The following TCF12 variants were observed in gnomAD, a reference collection of about 807,000 sequenced individuals.
TCF12 encodes the protein DNA-binding protein HTF4.
TCF12 carries 45 observed loss-of-function variants against 86.0 expected under a neutral mutation model. The observed-to-expected ratio is 0.52, with a 90% confidence interval of 0.41 to 0.67. TCF12 has a LOEUF of 0.67. Among genes scored for constraint, TCF12 ranks in the 30% least tolerant of loss-of-function variants. TCF12 has a pLI of 0.00. For synonymous variants in TCF12, 330 were observed against 299.6 expected, an observed-to-expected ratio of 1.10 and a Z score of -1.05; for missense variants, 881 against 859.9, an observed-to-expected ratio of 1.02 and a Z score of -0.31.
At chr15:57,156,355 A>T (rs1427153197) in intron 5 of TCF12, among the ~76,000 whole-genome samples, 1 of 152,200 alleles carries the variant, frequency 6.6e-6, no homozygotes, top group Non-Finnish European at 1.5e-5. Flanking sequence ...AAAAAAACTG[A>T]GGTCTAGAGA....
intron 3 of TCF12, among the ~76,000 whole-genome samples, chr15:56,934,860 A>G (rs573894803): frequency 1.7e-3 from 258 of 152,262 alleles, no homozygotes; most frequent in African/African-American, 6.0e-3. Flanking sequence ...ATTGTTCTTC[A>G]GAATAAGACA....
chr15:57,086,697 C>T (rs1239265259), intron 4 of TCF12, among the ~76,000 whole-genome samples: 1 of 84,634 alleles, frequency 1.2e-5, no homozygotes, highest in African/African-American at 4.8e-5. Context: ...AGCCTCTTTC[C>T]CTCCCTTTAA....
intron 8 of TCF12, among the ~76,000 whole-genome samples, chr15:57,225,322 C>T (rs967231359): frequency 1.6e-4 from 24 of 146,402 alleles, no homozygotes; most frequent in African/African-American, 6.2e-4. Flanking sequence ...TCACTGCAAG[C>T]TCCGCCTCCC....
intron 4 of TCF12, among the ~76,000 whole-genome samples, chr15:57,078,119 A>C (rs1438502091): frequency 6.6e-6 from 1 of 152,156 alleles, no homozygotes; most frequent in Non-Finnish European, 1.5e-5. Flanking sequence ...TTTATTTTCC[A>C]GTTATCAATA....
At chr15:57,030,734 T>C (rs1008735712) in intron 3 of TCF12, among the ~76,000 whole-genome samples, 1 of 152,228 alleles carries the variant, frequency 6.6e-6, no homozygotes, top group Non-Finnish European at 1.5e-5. Flanking sequence ...ATTTTGAAAA[T>C]ATAATTTAAT....
chr15:57,132,769 C>G (rs1444828541), intron 5 of TCF12, among the ~76,000 whole-genome samples: 1 of 152,122 alleles, frequency 6.6e-6, no homozygotes, highest in African/African-American at 2.4e-5. Context: ...ACTAAGTTAT[C>G]CAAGATATCC....
At chr15:57,038,442 G>A (rs2066657784) in intron 3 of TCF12, among the ~76,000 whole-genome samples, 1 of 150,170 alleles carries the variant, frequency 6.7e-6, no homozygotes, top group Non-Finnish European at 1.5e-5. Context: ...AGAAGGTGGG[G>A]GTGGTGGAGA....
chr15:57,098,327 G>C (rs906688871), intron 5 of TCF12, among the ~76,000 whole-genome samples: 1 of 152,074 alleles, frequency 6.6e-6, no homozygotes, highest in Non-Finnish European at 1.5e-5. Flanking sequence ...TGTTTCATCT[G>C]CTGCCTTTTT....
At chr15:57,138,394 T>TA (rs2052709906) in intron 5 of TCF12, among the ~76,000 whole-genome samples, 1 of 152,236 alleles carries the variant, frequency 6.6e-6, no homozygotes. Flanking sequence ...CTTCTTCTCT[T>TA]ACCCTGTTAA....
chr15:57,080,468 A>G (rs1331694918), intron 4 of TCF12, among the ~76,000 whole-genome samples: 6 of 152,172 alleles, frequency 3.9e-5, no homozygotes, highest in Admixed American at 1.3e-4. Flanking sequence ...TCAGAGATCT[A>G]GGAATTGAGG....
chr15:57,248,291 T>C (rs1279695051), intron 13 of TCF12, among the ~76,000 whole-genome samples: 3 of 152,150 alleles, frequency 2.0e-5, no homozygotes, highest in Admixed American at 6.5e-5. Context: ...CTCTCCTGGT[T>C]CCTATTAGGA....
At chr15:57,101,376 T>A (rs879701142) in intron 5 of TCF12, among the ~76,000 whole-genome samples, 1 of 152,070 alleles carries the variant, frequency 6.6e-6, no homozygotes, top group Non-Finnish European at 1.5e-5. Context: ...AACTAATTTT[T>A]AAAAAATTAT....
At chr15:57,010,447 T>C (rs1221065735) in intron 3 of TCF12, among the ~76,000 whole-genome samples, 1 of 152,056 alleles carries the variant, frequency 6.6e-6, no homozygotes, top group East Asian at 1.9e-4. Context: ...AAAAGTAAGA[T>C]TTTAAAATAA....
chr15:56,973,774 G>C (rs904331672), intron 3 of TCF12, among the ~76,000 whole-genome samples: 1 of 152,080 alleles, frequency 6.6e-6, no homozygotes, highest in East Asian at 1.9e-4. Flanking sequence ...AAATTTTGCT[G>C]ACAGGATTGT....
At chr15:56,956,673 G>T (rs2061516519) in intron 3 of TCF12, among the ~76,000 whole-genome samples, 1 of 151,984 alleles carries the variant, frequency 6.6e-6, no homozygotes, top group Non-Finnish European at 1.5e-5. Context: ...ATTCTAGATG[G>T]ACAATTTTTT....
intron 5 of TCF12, among the ~76,000 whole-genome samples, chr15:57,149,144 G>A (rs1489002679): frequency 6.6e-6 from 1 of 152,168 alleles, no homozygotes; most frequent in Non-Finnish European, 1.5e-5. Context: ...ATGTAAATAT[G>A]ACGTAGCTTG....
At chr15:57,176,257 C>G (rs2055902231) in intron 6 of TCF12, among the ~76,000 whole-genome samples, 1 of 152,194 alleles carries the variant, frequency 6.6e-6, no homozygotes, top group South Asian at 2.1e-4. Flanking sequence ...TCTCTAGTGA[C>G]AAGTAAAAGG....
rs140302879 is a variant in TCF12 at position 57,186,959 on chromosome 15, T to C, written c.391-5199T>C. Among the ~76,000 whole-genome samples the C allele has an allele frequency of 2.8e-4, 43 of 152,254 alleles. No homozygotes were observed. The East Asian group carries it at 8.3e-3, about 29-fold the overall frequency. Reference sequence around the variant, plus strand: ...ACTTTAGGAGGCCAAAGCGGGCAGATCACTTGAGGCCAGGAGTTCAAGACC... The same window carrying C: ...ACTTTAGGAGGCCAAAGCGGGCAGACCACTTGAGGCCAGGAGTTCAAGACC... On this transcript the variant is annotated intron_variant, in intron 6 of 20. Transcript: ENST00000333725.
intron 8 of TCF12, among the ~76,000 whole-genome samples, chr15:57,207,029 C>T (rs1472076472): frequency 6.6e-6 from 1 of 151,738 alleles, no homozygotes; most frequent in Non-Finnish European, 1.5e-5. Flanking sequence ...ATGGCTTAAG[C>T]CTGGGAGTTT....
Sources: allele counts gnomAD v4.1 joint callset (sites outside exome capture counted in the v4.1 genomes callset), GRCh38; gene constraint gnomAD v4.1.1; transcripts MANE v1.5; gene names NCBI Gene and HGNC (gene_info 2026-07-23, HGNC 2026-07-21).